The following PDE3A variants were observed in gnomAD, a reference collection of about 807,000 sequenced individuals.
The protein encoded by PDE3A is cGMP-inhibited 3',5'-cyclic phosphodiesterase 3A.
In PDE3A, 43 loss-of-function variants were observed where a neutral mutation model predicts 98.3. The ratio of observed to expected loss-of-function variants is 0.44; its 90% CI spans 0.34 to 0.56. The LOEUF (loss-of-function observed/expected upper bound fraction) is 0.56, where lower values mean the gene tolerates loss of function less well. PDE3A is among the 20% of genes least tolerant of loss of function. The pLI is 0.01. For synonymous variants in PDE3A, 663 were observed against 567.9 expected (o/e 1.17, Z -2.38); for missense variants, 1,427 against 1,440.7 (o/e 0.99, Z 0.15).
intron 1 of PDE3A, among the ~76,000 whole-genome samples, chr12:20,406,201 C>A (rs73235866): frequency 0.019 from 2,881 of 152,230 alleles, 81 homozygotes; most frequent in African/African-American, 0.066. Context: ...CATGGGAGGG[C>A]AGATATCTCT....
In PDE3A at chr12:20,550,786, G is replaced by A. The variant is rs569067243; in HGVS notation, c.961-5874G>A. Among the ~76,000 whole-genome samples the A allele has an allele frequency of 7.2e-5, 11 of 151,902 alleles. No homozygotes were observed. In the East Asian group the frequency reaches 1.7e-3, roughly 24 times the overall value. On this transcript the variant is annotated intron_variant, in intron 1 of 15. Transcript: ENST00000359062. ...TGTTATGTTTTTTACCTATTATACTGTGAACATTTCACATGTTCTTTTTTA... is the reference window on the plus strand; with the variant it reads ...TGTTATGTTTTTTACCTATTATACTATGAACATTTCACATGTTCTTTTTTA...
At chr12:20,425,710 CAT>C (rs1484247891) in intron 1 of PDE3A, among the ~76,000 whole-genome samples, 1 of 152,070 alleles carries the variant, frequency 6.6e-6, no homozygotes, top group Admixed American at 6.5e-5. Context: ...CTAAGACAAA[CAT>C]ATAGAAATAT....
At chr12:20,595,279 A>G (rs927640266) in intron 2 of PDE3A, among the ~76,000 whole-genome samples, 5 of 152,124 alleles carry the variant, frequency 3.3e-5, no homozygotes, top group Non-Finnish European at 5.9e-5. Flanking sequence ...TCTTCTGAAG[A>G]AAAAGGATTT....
At chr12:20,440,905 G>C (rs921208035) in intron 1 of PDE3A, among the ~76,000 whole-genome samples, 1 of 93,302 alleles carries the variant, frequency 1.1e-5, no homozygotes, top group Non-Finnish European at 2.1e-5. Flanking sequence ...TCTCACCTTT[G>C]ATTATTTATG....
intron 1 of PDE3A, among the ~76,000 whole-genome samples, chr12:20,411,850 A>G (rs777792227): frequency 1.3e-5 from 2 of 152,156 alleles, no homozygotes; most frequent in Non-Finnish European, 2.9e-5. Flanking sequence ...CCTTTACAAT[A>G]TAGGTAGACC....
At chr12:20,390,457 G>GAA (rs34930599) in intron 1 of PDE3A, among the ~76,000 whole-genome samples, 1,451 of 127,520 alleles carry the variant, frequency 0.011, 26 homozygotes, top group African/African-American at 0.019. Flanking sequence ...GGTGATTTAA[G>GAA]AAAAAAAAAA....
At position 20,500,535 on chromosome 12, in the gene PDE3A, T is replaced by C. The variant is rs529831078; in HGVS notation, c.961-56125T>C. 7.2e-5 allele frequency among the ~76,000 whole-genome samples: 11 copies of C among 152,272 alleles called. No homozygotes were observed. In the South Asian group the frequency reaches 2.3e-3, roughly 32 times the overall value. On this transcript the variant is annotated intron_variant, in intron 1 of 15. Coordinates refer to ENST00000359062, the MANE Select transcript of PDE3A (RefSeq NM_000921.5). Reference sequence around the variant, plus strand: ...TTTATTTAGACTTCAAATATTTTCTTCCATGTGATATCCTTTAAAATGTTT... The same window carrying C: ...TTTATTTAGACTTCAAATATTTTCTCCCATGTGATATCCTTTAAAATGTTT...
At chr12:20,633,915 G>A in intron 7 of PDE3A, 137 bp downstream of exon 7, 1 of 546,960 alleles carries the variant, frequency 1.8e-6, no homozygotes, top group Non-Finnish European at 3.3e-6. Context: ...GGTCAGGTCG[G>A]TCTCAAACTC....
intron 2 of PDE3A, among the ~76,000 whole-genome samples, chr12:20,567,730 A>C (rs1275818074): frequency 1.3e-5 from 2 of 151,876 alleles, no homozygotes; most frequent in African/African-American, 4.8e-5. Context: ...TAAGGACTTT[A>C]ATAGAAGCTT....
At chr12:20,608,381 A>AT (rs60642047) in intron 2 of PDE3A, among the ~76,000 whole-genome samples, 8 of 151,496 alleles carry the variant, frequency 5.3e-5, no homozygotes, top group East Asian at 1.9e-4. Context: ...TACTAAGGAT[A>AT]TTTTTTTTTT....
In PDE3A at chr12:20,684,651, C is replaced by T. The variant is rs3809209; in HGVS notation, c.*4380C>T. 0.58 allele frequency among the ~76,000 whole-genome samples: 88,456 copies of T among 152,018 alleles called. 26,456 individuals are homozygous for T. Among genetic ancestry groups the T allele is most frequent in the East Asian group, 0.81 (4,174 of 5,156 alleles). Reference sequence around the variant, plus strand: ...TTATGAATTTGCTGATATTGTCAGTCCATTTTTTAAATCTTCAACAAAATT... The same window carrying T: ...TTATGAATTTGCTGATATTGTCAGTTCATTTTTTAAATCTTCAACAAAATT... On this transcript the variant is annotated 3_prime_UTR_variant, in exon 16 of 16. Transcript: ENST00000359062.
At position 20,369,536 on chromosome 12, in the gene PDE3A, G is replaced by A. The variant is rs1176112235; in HGVS notation, c.252G>A (p.Glu84=). The change falls in exon 1 of 16, where the codon GAG becomes GAA. Residue 84 remains glutamate, a synonymous_variant. Coordinates refer to ENST00000359062, the MANE Select transcript of PDE3A (RefSeq NM_000921.5). ...LALLVRLVRG[E]VGCDLEQCKE... ...TGCTGGTGAGGCTGGTCCGCGGGGA[G>A]GTCGGCTGTGACCTGGAGCAGTGTA... 3 of 1,558,614 alleles carry A rather than the reference G, an allele frequency of 1.9e-6. No individual in the cohort carries two copies. The South Asian group carries it at 3.6e-5, about 18-fold the overall frequency.
intron 15 of PDE3A, among the ~76,000 whole-genome samples, chr12:20,656,786 A>G (rs112152532): frequency 6.6e-5 from 10 of 152,244 alleles, no homozygotes; most frequent in African/African-American, 2.2e-4. Flanking sequence ...TGCTCTTTGA[A>G]CTCAAACACA....
At chr12:20,668,643 C>G (rs1945387570) in intron 15 of PDE3A, among the ~76,000 whole-genome samples, 1 of 151,906 alleles carries the variant, frequency 6.6e-6, no homozygotes, top group Non-Finnish European at 1.5e-5. Flanking sequence ...AGGGTCCTGT[C>G]TGTTAGAAGG....
At chr12:20,441,993 C>T (rs1365126898) in intron 1 of PDE3A, among the ~76,000 whole-genome samples, 1 of 152,106 alleles carries the variant, frequency 6.6e-6, no homozygotes, top group East Asian at 1.9e-4. Flanking sequence ...TCTGCTTTTC[C>T]TTAGGTTAGT....
intron 2 of PDE3A, among the ~76,000 whole-genome samples, chr12:20,596,312 G>T (rs189167486): frequency 2.0e-4 from 31 of 151,930 alleles, no homozygotes; most frequent in Admixed American, 1.5e-3. Context: ...TGTGGAGTGG[G>T]GTATCATTTT....
chr12:20,522,978 T>A (rs1284620819), intron 1 of PDE3A, among the ~76,000 whole-genome samples: 1 of 149,926 alleles, frequency 6.7e-6, no homozygotes, highest in East Asian at 2.0e-4. Flanking sequence ...AATGGTATTT[T>A]AAAAAACTAG....
chr12:20,678,438 C>G (rs1945692446), intron 15 of PDE3A, among the ~76,000 whole-genome samples: 1 of 152,134 alleles, frequency 6.6e-6, no homozygotes, highest in African/African-American at 2.4e-5. Flanking sequence ...TGAAGACACC[C>G]TCCAAGACAA....
chr12:20,657,315 C>A (rs550627134), intron 15 of PDE3A, among the ~76,000 whole-genome samples: 1 of 152,218 alleles, frequency 6.6e-6, no homozygotes, highest in South Asian at 2.1e-4. Flanking sequence ...ACCTAGGTCT[C>A]TTAATTTTTA....
Sources: allele counts gnomAD v4.1 joint callset (sites outside exome capture counted in the v4.1 genomes callset), GRCh38; gene constraint gnomAD v4.1.1; transcripts MANE v1.5; gene names NCBI Gene and HGNC (gene_info 2026-07-23, HGNC 2026-07-21).